Variants in TRMT2B observed in about 807,000 individuals in gnomAD.
TRMT2B encodes tRNA (uracil-5-)-methyltransferase homolog B.
Under a neutral mutation model 39.7 loss-of-function variants are expected in TRMT2B, and 34 were observed. The observed-to-expected ratio is 0.86, with a 90% CI of 0.65 to 1.14. TRMT2B has a LOEUF of 1.14. Among genes scored for constraint, TRMT2B ranks in the 50% most tolerant of loss-of-function variants. The pLI, the probability that TRMT2B is intolerant of heterozygous loss-of-function variation, is 0.00. For synonymous variants in TRMT2B, 132 were observed against 137.3 expected, an observed-to-expected ratio of 0.96 and a Z score of 0.27; for missense variants, 318 against 377.2, an observed-to-expected ratio of 0.84 and a Z score of 1.30.
At chrX:100,985,959 T>A in the TRMT2B span, 19,515 of 1,172,689 alleles carry the variant, frequency 0.017, 147 homozygotes, top group Middle Eastern at 0.057. Context: ...TCCCAATTTG[T>A]ACCCTTAAAA....
intron 13 of TRMT2B, among the ~76,000 whole-genome samples, chrX:101,014,313 T>C (rs1481468400): frequency 9.0e-6 from 1 of 110,723 alleles, no homozygotes; most frequent in East Asian, 2.9e-4. Context: ...TATTCTTTTG[T>C]ATTATTTGAA....
chrX:101,051,767 C>G, intron 1 of TRMT2B, 34 bp from the exon 2 acceptor site: 1 of 676,485 alleles, frequency 1.5e-6, no homozygotes, highest in Non-Finnish European at 1.8e-6. Context: ...GTTTTCCGGG[C>G]TATTTATCCA....
At chrX:101,005,880 CAAAAAAAA>C (rs370275736), downstream of TRMT2B, among the ~76,000 whole-genome samples, 8 of 64,263 alleles carry the variant, frequency 1.2e-4, no homozygotes, top group African/African-American at 2.0e-4. Flanking sequence ...GATTCCCACT[CAAAAAAAA>C]AAAAAAAAAA....
chrX:100,983,682 T>C, the TRMT2B span, among the ~76,000 whole-genome samples: 1 of 111,783 alleles, frequency 8.9e-6, no homozygotes, highest in Non-Finnish European at 1.9e-5. Context: ...AGTAGTCTAA[T>C]ACAGATATAG....
chrX:101,050,996 C>T (rs893658368), intron 2 of TRMT2B, among the ~76,000 whole-genome samples: 13 of 108,992 alleles, frequency 1.2e-4, no homozygotes, highest in Non-Finnish European at 2.5e-4. Context: ...GAGCCGAGAT[C>T]GCACCACTGC....
At chrX:101,002,760 C>G in the TRMT2B span, among the ~76,000 whole-genome samples, 520 of 90,362 alleles carry the variant, frequency 5.8e-3, 6 homozygotes, top group African/African-American at 0.02. Context: ...GCCTGGGAAA[C>G]AAGAGCAAAA....
chrX:101,001,416 G>A, the TRMT2B span, among the ~76,000 whole-genome samples: 1 of 109,965 alleles, frequency 9.1e-6, no homozygotes, highest in South Asian at 3.9e-4. Flanking sequence ...TTTTGTGTGT[G>A]TGGAGATGGA....
intron 7 of TRMT2B, 47 bp downstream of exon 7, chrX:101,035,566 A>T (rs1386294141): frequency 1.8e-6 from 2 of 1,094,495 alleles, no homozygotes; most frequent in Non-Finnish European, 2.5e-6. Flanking sequence ...GCTGTTGTAG[A>T]CTACAATGCT....
At chrX:100,985,940 A>G in the TRMT2B span, 1 of 1,188,997 alleles carries the variant, frequency 8.4e-7, no homozygotes, top group Non-Finnish European at 1.1e-6. Context: ...TTTCTGTCCT[A>G]TTTCTGCTTC....
rs367665852 is a variant in TRMT2B, at chrX:101,021,350, T to C, written c.852-35A>G. On this transcript the variant is annotated intron_variant, in intron 9 of 13. Coordinates refer to ENST00000372936, the MANE Select transcript of TRMT2B (RefSeq NM_024917.6). ...AATAAAAGAAGAAAGCATCTTGAGC[T>C]GTGAGCGGTGGCTCACGCCTGTAAT... The C allele has an allele frequency of 1.3e-4, 148 of 1,143,681 alleles. No individual in the cohort carries two copies. The Middle Eastern group carries it at 1.5e-3, about 11-fold the overall frequency. 94.3% of individuals were successfully genotyped at this position (1,143,681 alleles called of 1,213,427 possible).
the TRMT2B span, among the ~76,000 whole-genome samples, chrX:100,976,002 A>G: frequency 1.8e-5 from 2 of 111,622 alleles, no homozygotes; most frequent in Admixed American, 9.6e-5. Context: ...ATTTTAGCCA[A>G]TGGGTTCAGC....
chrX:101,035,823 G>A (rs771612674), intron 6 of TRMT2B, 140 bp from the exon 7 acceptor site: 1 of 472,730 alleles, frequency 2.1e-6, no homozygotes, highest in East Asian at 3.8e-5. Context: ...CCACTTTTCA[G>A]AGAAAACCTA....
chrX:101,026,050 G>A (rs1287668712), intron 7 of TRMT2B, among the ~76,000 whole-genome samples: 3 of 99,633 alleles, frequency 3.0e-5, no homozygotes, highest in Middle Eastern at 4.3e-3. Flanking sequence ...GGAAGGAAGG[G>A]AGGGAGGGAG....
the TRMT2B span, among the ~76,000 whole-genome samples, chrX:101,002,819 C>T: frequency 4.5e-5 from 5 of 110,166 alleles, no homozygotes; most frequent in African/African-American, 9.9e-5. Context: ...AAACACAGAC[C>T]GATTGACAGA....
At chrX:101,005,135 G>A (rs1354366363), downstream of TRMT2B, among the ~76,000 whole-genome samples, 1 of 111,632 alleles carries the variant, frequency 9.0e-6, no homozygotes. Flanking sequence ...GCTCATGCCT[G>A]TAATCCCAGC....
the TRMT2B span, among the ~76,000 whole-genome samples, chrX:101,004,164 G>A: frequency 2.7e-5 from 3 of 110,972 alleles, no homozygotes; most frequent in Non-Finnish European, 5.7e-5. Flanking sequence ...CACTGTGCCT[G>A]GATAATTTTT....
intron 7 of TRMT2B, among the ~76,000 whole-genome samples, chrX:101,024,098 T>G (rs1427170642): frequency 9.0e-6 from 1 of 111,160 alleles, no homozygotes; most frequent in Non-Finnish European, 1.9e-5. Flanking sequence ...TCCTCCTGCC[T>G]CGGCCTCCTA....
At chrX:100,982,649 C>CTT in the TRMT2B span, among the ~76,000 whole-genome samples, 115 of 84,439 alleles carry the variant, frequency 1.4e-3, 1 homozygote, top group East Asian at 2.0e-3. Context: ...CTACAGTTTT[C>CTT]TTTTTTTTTT....
chrX:101,018,048 T>C (rs777416138), intron 13 of TRMT2B, among the ~76,000 whole-genome samples: 52 of 111,219 alleles, frequency 4.7e-4, no homozygotes, highest in African/African-American at 1.7e-3. Context: ...CTGGGCAACA[T>C]AGTGAGACTT....
Sources: gnomAD v4.1 joint callset for allele counts (sites outside exome capture counted in the v4.1 genomes callset) on GRCh38, gnomAD v4.1.1 for gene constraint, MANE v1.5 for transcripts, NCBI Gene and HGNC (gene_info 2026-07-23, HGNC 2026-07-21) for gene names.